Variants in PIN4 observed in about 807,000 individuals in gnomAD.
The protein encoded by PIN4 is peptidylprolyl cis/trans isomerase, NIMA-interacting 4, also known as peptidyl-prolyl cis-trans isomerase NIMA-interacting 4.
Under a neutral mutation model 8.3 loss-of-function variants are expected in PIN4, and 3 were observed. The observed-to-expected ratio is 0.36, with a 90% CI of 0.16 to 0.93. The LOEUF is 0.93. Among genes scored for constraint, PIN4 ranks in the 40% least tolerant of loss-of-function variants. PIN4 has a pLI of 0.44. For missense variants in PIN4, 75 were observed against 100.6 expected, an observed-to-expected ratio of 0.75 and a Z score of 1.09; for synonymous variants, 18 against 32.5, an observed-to-expected ratio of 0.55 and a Z score of 1.52.
intron 3 of PIN4, chrX:72,208,729 G>A: frequency 9.1e-7 from 1 of 1,097,047 alleles, no homozygotes; most frequent in Non-Finnish European, 1.2e-6. Context: ...AGAGGAGAAA[G>A]GAAACATTGA....
chrX:72,204,213 C>CA (rs2042803362), intron 3 of PIN4, among the ~76,000 whole-genome samples: 1 of 112,489 alleles, frequency 8.9e-6, no homozygotes, highest in African/African-American at 3.2e-5. Context: ...CAAGTCTAAA[C>CA]ATGAAATCCA....
At chrX:72,225,136 A>T (rs1437836579) in intron 3 of PIN4, among the ~76,000 whole-genome samples, 1 of 111,543 alleles carries the variant, frequency 9.0e-6, no homozygotes, top group African/African-American at 3.3e-5. Flanking sequence ...AACACTAGCC[A>T]TTTCTCAGTA....
intron 3 of PIN4, among the ~76,000 whole-genome samples, chrX:72,229,145 C>T (rs1388978962): frequency 9.0e-6 from 1 of 111,650 alleles, no homozygotes; most frequent in South Asian, 3.7e-4. Flanking sequence ...AACACACCCC[C>T]CTTTTACAAC....
At chrX:72,238,962 C>T (rs772617159) in intron 3 of PIN4, 4 of 997,043 alleles carry the variant, frequency 4.0e-6, no homozygotes, top group African/African-American at 3.8e-5. Flanking sequence ...GAGCTTGGAG[C>T]TTGGAGCTTG....
chrX:72,222,595 C>CTT lies in PIN4; in HGVS notation c.312+25711_312+25712dup, dbSNP rs758259884. 2.9e-4 allele frequency among the ~76,000 whole-genome samples: 25 copies of CTT among 85,038 alleles called. 1 individual carries two copies. The highest frequency in any genetic ancestry group is 1.1e-3 in the African/African-American group (23 of 21,795). The allele number at this position is 85,038 out of a possible 115,157, so 73.8% of individuals were successfully genotyped here. A position where few individuals can be genotyped will look rare whatever the true frequency, so the allele number is the denominator to read the frequency against. On this transcript the variant is annotated intron_variant, in intron 3 of 3. Coordinates refer to the PIN4 transcript ENST00000423432. ...CAAAGGAGCCCCAGGAGAATCCAGCCTTTTTTTTTTTTTTTTTTTTTAGAT... is the reference window on the plus strand; with the variant it reads ...CAAAGGAGCCCCAGGAGAATCCAGCCTTTTTTTTTTTTTTTTTTTTTTTAGAT...
In PIN4 at chrX:72,192,895, G is replaced by A. The variant is rs187360183; in HGVS notation, c.118-3890G>A. ...TTATAGGTGTGAGCCACTGCGCCTC[G>A]CCCCTTTTTATTACACTTTTTGAGT... On this transcript the variant is annotated intron_variant, in intron 2 of 3. Coordinates refer to ENST00000373669, the MANE Select transcript of PIN4 (RefSeq NM_006223.4). Among the ~76,000 whole-genome samples the A allele has an allele frequency of 3.8e-3, 426 of 111,620 alleles. 7 individuals are homozygous for A. Among genetic ancestry groups the A allele is most frequent in the African/African-American group, 0.014 (414 of 30,619 alleles).
At chrX:72,192,896 C>T (rs957758809) in intron 2 of PIN4, among the ~76,000 whole-genome samples, 2 of 111,862 alleles carry the variant, frequency 1.8e-5, no homozygotes, top group African/African-American at 6.5e-5. Flanking sequence ...CTGCGCCTCG[C>T]CCCTTTTTAT....
chrX:72,193,993 TA>T (rs753938344), intron 2 of PIN4, among the ~76,000 whole-genome samples: 370 of 112,567 alleles, frequency 3.3e-3, no homozygotes, highest in Non-Finnish European at 5.5e-3. Flanking sequence ...TCCAAAAGTT[TA>T]AAATTTTTTA....
At chrX:72,193,872 CAAA>C (rs757224920) in intron 2 of PIN4, among the ~76,000 whole-genome samples, 1 of 47,457 alleles carries the variant, frequency 2.1e-5, no homozygotes, top group Non-Finnish European at 4.3e-5. Context: ...GACTTCATCT[CAAA>C]AAAAAAAAAA....
In PIN4 at chrX:72,234,588, AT is replaced by A. The variant is rs1182637953; in HGVS notation, c.313-28108del. 7.0e-3 allele frequency among the ~76,000 whole-genome samples: 756 copies of A among 107,635 alleles called. 8 individuals carry two copies. The highest frequency in any genetic ancestry group is 0.023 in the African/African-American group (689 of 29,741). The allele number at this position is 107,635 out of a possible 115,157, so 93.5% of individuals were successfully genotyped here. ...GAAATGAAAATAGGATCAAGAGAGG[AT>A]TTTTTTTTTTAACAATGAAAGAATT... On this transcript the variant is annotated intron_variant, in intron 3 of 3. Coordinates refer to the PIN4 transcript ENST00000423432.
At chrX:72,247,736 A>G (rs2043071954) in intron 3 of PIN4, among the ~76,000 whole-genome samples, 1 of 112,492 alleles carries the variant, frequency 8.9e-6, no homozygotes, top group South Asian at 3.7e-4. Flanking sequence ...CAAGTCAAGA[A>G]CTGTTTGTTT....
intron 3 of PIN4, among the ~76,000 whole-genome samples, chrX:72,215,837 G>A (rs2042884491): frequency 1.8e-5 from 2 of 110,182 alleles, no homozygotes; most frequent in African/African-American, 3.3e-5. Flanking sequence ...TTTCCCTCCC[G>A]CTTGGGTTCA....
upstream of PIN4, chrX:72,181,693 C>T (rs765394055): frequency 2.8e-5 from 25 of 908,836 alleles, no homozygotes; most frequent in South Asian, 4.6e-4. Flanking sequence ...ATGCGGCTTT[C>T]AGGCATTTGT....
At chrX:72,223,385 A>G (rs6624612) in intron 3 of PIN4, among the ~76,000 whole-genome samples, 42,152 of 101,710 alleles carry the variant, frequency 0.41, 8,701 homozygotes, top group East Asian at 0.98. Context: ...ACATCTCAGC[A>G]GGACCTCCTA....
intron 3 of PIN4, among the ~76,000 whole-genome samples, chrX:72,220,728 G>GC (rs1452330417): frequency 9.0e-6 from 1 of 111,121 alleles, no homozygotes; most frequent in Non-Finnish European, 1.9e-5. Flanking sequence ...CTTGTGATAA[G>GC]CCCCCTCACC....
rs2042775957 is a variant in PIN4 at position 72,198,115 on chromosome X, T to G, written c.*589T>G. 1 of 748,362 alleles carries G rather than the reference T, an allele frequency of 1.3e-6. No homozygotes were observed. The highest frequency in any genetic ancestry group is 8.8e-5 in the Admixed American group (1 of 11,423). The allele number at this position is 748,362 out of a possible 1,213,427, so 61.7% of individuals were successfully genotyped here. A position where few individuals can be genotyped will look rare whatever the true frequency, so the allele number is the denominator to read the frequency against. Reference sequence around the variant, plus strand: ...CACTCAGTTGTTCCATGAGTTGTTTTGTACTAGACTAACCGAGTGCTGGTT... The same window carrying G: ...CACTCAGTTGTTCCATGAGTTGTTTGGTACTAGACTAACCGAGTGCTGGTT... On this transcript the variant is annotated 3_prime_UTR_variant, in exon 4 of 4. Coordinates refer to ENST00000373669, the MANE Select transcript of PIN4 (RefSeq NM_006223.4).
chrX:72,224,583 C>T (rs776634433), intron 3 of PIN4, among the ~76,000 whole-genome samples: 14 of 111,298 alleles, frequency 1.3e-4, no homozygotes, highest in Non-Finnish European at 2.4e-4. Flanking sequence ...CCTGTCTCTA[C>T]TAAAAATGCA....
chrX:72,263,960 C>T (rs1281418364), exon 4 of PIN4: 1 of 112,002 alleles, frequency 8.9e-6, no homozygotes, highest in African/African-American at 3.2e-5. Context: ...CCTGTAATCC[C>T]AGCTACTCAG....
intron 3 of PIN4, among the ~76,000 whole-genome samples, chrX:72,223,912 G>A (rs1387679600): frequency 9.0e-6 from 1 of 111,058 alleles, no homozygotes. Flanking sequence ...ACCAAACCGT[G>A]CCCAACTTGT....
Sources: gnomAD v4.1 joint callset for allele counts (sites outside exome capture counted in the v4.1 genomes callset) on GRCh38, gnomAD v4.1.1 for gene constraint, MANE v1.5 for transcripts, NCBI Gene and HGNC (gene_info 2026-07-23, HGNC 2026-07-21) for gene names.